CDYL: variants seen among roughly 807,000 people sequenced by gnomAD.
CDYL encodes chromodomain Y like.
In CDYL, 8 loss-of-function variants were observed where a neutral mutation model predicts 47.3. That is an observed-to-expected ratio of 0.17 (90% CI 0.10 to 0.31). The LOEUF is 0.31. Among genes scored for constraint, CDYL ranks in the 10% least tolerant of loss-of-function variants. The pLI is 1.00. For synonymous variants in CDYL, 266 were observed against 265.0 expected, an observed-to-expected ratio of 1.00 and a Z score of -0.04; for missense variants, 471 against 701.4, an observed-to-expected ratio of 0.67 and a Z score of 3.71.
chr6:4,790,482 A>G (rs1758888602), intron 1 of CDYL, among the ~76,000 whole-genome samples: 2 of 152,192 alleles, frequency 1.3e-5, no homozygotes, highest in Non-Finnish European at 2.9e-5. Flanking sequence ...AGTTAGGAGA[A>G]TTTCTGAAGC....
chr6:4,896,965 ATTATT>A (rs78545465), intron 2 of CDYL, among the ~76,000 whole-genome samples: 12,157 of 152,226 alleles, frequency 0.08, 585 homozygotes, highest in South Asian at 0.14. Flanking sequence ...TTGCTTTTTA[ATTATT>A]TTAAGTATGA....
intron 2 of CDYL, among the ~76,000 whole-genome samples, chr6:4,719,107 T>C (rs1406433866): frequency 6.6e-6 from 1 of 152,022 alleles, no homozygotes; most frequent in African/African-American, 2.4e-5. Context: ...GTATTTTTAG[T>C]AGAGATGGAG....
rs970322234 is a variant in CDYL at position 4,919,718 on chromosome 6, T to G, written c.692-15797T>G. Among the ~76,000 whole-genome samples the G allele has an allele frequency of 7.2e-5, 11 of 152,222 alleles. No homozygotes were observed. In the East Asian group the frequency reaches 2.1e-3, roughly 29 times the overall value. On this transcript the variant is annotated intron_variant, in intron 2 of 6. Coordinates refer to ENST00000397588, the MANE Select transcript of CDYL (RefSeq NM_004824.4). ...AAGACATTTAACAAGGAAATAGAAG[T>G]AATCACAGTCCATGATTTTAATCTT...
intron 5 of CDYL, among the ~76,000 whole-genome samples, chr6:4,947,852 G>A (rs543676479): frequency 1.3e-5 from 2 of 152,220 alleles, no homozygotes; most frequent in Admixed American, 6.5e-5. Context: ...ACTGCAGTTG[G>A]CCGTGGGGTT....
chr6:4,813,296 A>G (rs1176971156), intron 1 of CDYL, among the ~76,000 whole-genome samples: 2 of 152,230 alleles, frequency 1.3e-5, no homozygotes, highest in Non-Finnish European at 2.9e-5. Context: ...GTGTTTCACC[A>G]TTGAAGTATG....
intron 3 of CDYL, among the ~76,000 whole-genome samples, chr6:4,751,415 A>G (rs1252509602): frequency 6.6e-6 from 1 of 152,228 alleles, no homozygotes; most frequent in Non-Finnish European, 1.5e-5. Flanking sequence ...ATTGGTCTAT[A>G]CAACCTTCAG....
At chr6:4,874,724 C>G (rs1447152981) in intron 1 of CDYL, among the ~76,000 whole-genome samples, 1 of 152,230 alleles carries the variant, frequency 6.6e-6, no homozygotes, top group Non-Finnish European at 1.5e-5. Flanking sequence ...GGGCTCCCAT[C>G]GCCCCATCAC....
intron 1 of CDYL, among the ~76,000 whole-genome samples, chr6:4,877,572 A>G (rs1761654238): frequency 6.6e-6 from 1 of 152,198 alleles, no homozygotes; most frequent in Non-Finnish European, 1.5e-5. Context: ...CATTTTTCCA[A>G]AAAACTTGAC....
chr6:4,712,890 T>A (rs1022147909), intron 1 of CDYL, among the ~76,000 whole-genome samples: 2 of 152,186 alleles, frequency 1.3e-5, no homozygotes, highest in Non-Finnish European at 2.9e-5. Flanking sequence ...ACTGTGGATG[T>A]GGCTCACCAT....
intron 1 of CDYL, among the ~76,000 whole-genome samples, chr6:4,863,059 A>G (rs534025829): frequency 2.6e-5 from 4 of 152,332 alleles, no homozygotes; most frequent in Admixed American, 6.5e-5. Flanking sequence ...CAGCAGCACA[A>G]TGCAGCTGAA....
chr6:4,927,616 A>G (rs1409848645), intron 2 of CDYL, among the ~76,000 whole-genome samples: 1 of 152,120 alleles, frequency 6.6e-6, no homozygotes, highest in Non-Finnish European at 1.5e-5. Context: ...GGGTTTCACC[A>G]TGTTGACCAG....
chr6:4,944,923 G>A (rs1032698344), intron 5 of CDYL, among the ~76,000 whole-genome samples: 4 of 152,164 alleles, frequency 2.6e-5, no homozygotes, highest in Admixed American at 6.5e-5. Flanking sequence ...TCGTCGCTGC[G>A]TGGGATTTCT....
intron 1 of CDYL, among the ~76,000 whole-genome samples, chr6:4,781,459 T>C (rs1758617213): frequency 6.6e-6 from 1 of 152,232 alleles, no homozygotes; most frequent in African/African-American, 2.4e-5. Flanking sequence ...TTCATTTGAC[T>C]TCAGGAGTTG....
chr6:4,756,278 C>T (rs185467650), intron 3 of CDYL, among the ~76,000 whole-genome samples: 2 of 152,276 alleles, frequency 1.3e-5, no homozygotes, highest in African/African-American at 2.4e-5. Context: ...TTCCACATTT[C>T]GACTCCAACC....
intron 2 of CDYL, among the ~76,000 whole-genome samples, chr6:4,731,816 G>A (rs187368938): frequency 6.5e-4 from 97 of 149,932 alleles, no homozygotes; most frequent in African/African-American, 2.3e-3. Flanking sequence ...GAAAGACTCT[G>A]TCTCAAAAAA....
intron 1 of CDYL, among the ~76,000 whole-genome samples, chr6:4,880,283 G>A (rs1275025758): frequency 6.6e-6 from 1 of 152,128 alleles, no homozygotes; most frequent in African/African-American, 2.4e-5. Context: ...CATATAGTAT[G>A]TAGCCTTTTC....
At chr6:4,786,236 T>C (rs1457093935) in intron 1 of CDYL, among the ~76,000 whole-genome samples, 1 of 152,200 alleles carries the variant, frequency 6.6e-6, no homozygotes, top group African/African-American at 2.4e-5. Context: ...TTTTATGATA[T>C]TAACCATGTA....
intron 1 of CDYL, among the ~76,000 whole-genome samples, chr6:4,841,375 A>G (rs1760483941): frequency 1.3e-5 from 2 of 151,368 alleles, no homozygotes; most frequent in South Asian, 4.2e-4. Flanking sequence ...TTTTGTATTT[A>G]TTTTTTGTTG....
intron 3 of CDYL, among the ~76,000 whole-genome samples, chr6:4,756,584 G>A (rs1036363395): frequency 6.8e-6 from 1 of 147,366 alleles, no homozygotes; most frequent in African/African-American, 2.5e-5. Context: ...GTGTGTATGT[G>A]TGTGTGTGTG....
Sources: allele counts gnomAD v4.1 joint callset (sites outside exome capture counted in the v4.1 genomes callset), GRCh38; gene constraint gnomAD v4.1.1; transcripts MANE v1.5; gene names NCBI Gene and HGNC (gene_info 2026-07-23, HGNC 2026-07-21).